Variants in LRRC4C observed in about 807,000 individuals in gnomAD.
The protein encoded by LRRC4C is leucine-rich repeat-containing protein 4C.
LRRC4C carries 5 observed loss-of-function variants against 33.6 expected under a neutral mutation model. The observed-to-expected ratio is 0.15, with a 90% CI of 0.08 to 0.31. The LOEUF is 0.31. Among genes scored for constraint, LRRC4C ranks in the 10% least tolerant of loss-of-function variants. LRRC4C has a pLI of 1.00. For synonymous variants in LRRC4C, 329 were observed against 302.0 expected (o/e 1.09, Z -0.93); for missense variants, 560 against 796.7 (o/e 0.70, Z 3.58).
intron 4 of LRRC4C, among the ~76,000 whole-genome samples, chr11:40,265,870 T>G (rs1295203926): frequency 2.6e-5 from 4 of 152,216 alleles, no homozygotes; most frequent in African/African-American, 9.6e-5. Flanking sequence ...ATAATTTGTT[T>G]GTTTGCAAGA....
At chr11:41,290,875 A>C (rs527875551) in intron 1 of LRRC4C, among the ~76,000 whole-genome samples, 1 of 152,230 alleles carries the variant, frequency 6.6e-6, no homozygotes, top group African/African-American at 2.4e-5. Context: ...TGATGGAGAG[A>C]CCCTGACACT....
At chr11:40,978,335 A>G (rs1228939110) in intron 1 of LRRC4C, among the ~76,000 whole-genome samples, 1 of 152,212 alleles carries the variant, frequency 6.6e-6, no homozygotes, top group Non-Finnish European at 1.5e-5. Context: ...AAAGCCAACT[A>G]GCACCTAACT....
At chr11:40,246,185 G>GAA (rs1565181373) in intron 4 of LRRC4C, among the ~76,000 whole-genome samples, 1 of 151,860 alleles carries the variant, frequency 6.6e-6, no homozygotes, top group African/African-American at 2.4e-5. Flanking sequence ...TGTTGGCCAG[G>GAA]CTGGTCTTGA....
At chr11:40,816,408 T>C (rs1951706885) in intron 2 of LRRC4C, among the ~76,000 whole-genome samples, 1 of 152,204 alleles carries the variant, frequency 6.6e-6, no homozygotes, top group African/African-American at 2.4e-5. Context: ...TGTCACAGAT[T>C]CACAACAGAT....
chr11:40,479,238 G>A (rs1032209551), intron 3 of LRRC4C, among the ~76,000 whole-genome samples: 3 of 152,034 alleles, frequency 2.0e-5, no homozygotes, highest in Admixed American at 6.6e-5. Flanking sequence ...ATATTATTTG[G>A]CCTAATTCCT....
intron 1 of LRRC4C, among the ~76,000 whole-genome samples, chr11:40,983,633 A>C (rs1402641627): frequency 6.6e-6 from 1 of 152,218 alleles, no homozygotes; most frequent in Non-Finnish European, 1.5e-5. Context: ...TCTATAAGGA[A>C]CTTAGACAAA....
intron 2 of LRRC4C, among the ~76,000 whole-genome samples, chr11:40,784,914 A>G (rs1056980942): frequency 2.0e-4 from 30 of 152,180 alleles, no homozygotes; most frequent in African/African-American, 7.2e-4. Context: ...GAAAAAAAGT[A>G]TTAATAGAAA....
chr11:41,053,530 G>C (rs1858405437), intron 1 of LRRC4C, among the ~76,000 whole-genome samples: 1 of 152,166 alleles, frequency 6.6e-6, no homozygotes, highest in Non-Finnish European at 1.5e-5. Context: ...GCTAAACCCT[G>C]TCTGGAATCC....
rs772990005 is a variant in LRRC4C, at chr11:40,114,782, G to T, written c.1511C>A (p.Thr504Asn). The T allele has an allele frequency of 1.2e-6, 2 of 1,614,118 alleles. No homozygotes were observed. Among genetic ancestry groups the T allele is most frequent in the Middle Eastern group, 1.6e-4 (1 of 6,062 alleles). ...TPQSTRSTEK[T>N]FTIPVTDINS... Reference sequence around the variant, plus strand: ...TATATCAGTCACTGGGATGGTGAAGGTTTTCTCTGTCGACCTTGTGCTCTG... The same window carrying T: ...TATATCAGTCACTGGGATGGTGAAGTTTTTCTCTGTCGACCTTGTGCTCTG... The change falls in exon 7 of 7, where the codon ACC (threonine) becomes AAC (asparagine). Residue 504 changes from threonine to asparagine, a missense_variant. Thr to Asn is a moderately conservative substitution (Grantham distance 65, BLOSUM62 0). Around this residue, in one of 3 missense-constraint regions of LRRC4C, gnomAD observed 455 missense variants for 643.8 expected, o/e 0.71. Transcript: ENST00000528697.
rs192464914 is a variant in LRRC4C, at chr11:40,441,156, C to T, written c.-269-121435G>A. 4.6e-3 allele frequency among the ~76,000 whole-genome samples: 705 copies of T among 152,218 alleles called. 8 individuals carry two copies. Among genetic ancestry groups the T allele is most frequent in the Non-Finnish European group, 8.0e-3 (545 of 68,016 alleles). On this transcript the variant is annotated intron_variant, in intron 3 of 6. Transcript: ENST00000528697. ...GGGAATCAGTCCCTCATCCAGTTCT[C>T]ATCAATCTAAGGATTTCATTCTTAT... is the stretch of plus-strand genomic sequence containing the variant.
chr11:40,944,602 C>T (rs1592151200), intron 1 of LRRC4C, among the ~76,000 whole-genome samples: 2 of 152,272 alleles, frequency 1.3e-5, no homozygotes. Flanking sequence ...GGTTCTTGAA[C>T]TGGATGCCCT....
intron 4 of LRRC4C, among the ~76,000 whole-genome samples, chr11:40,281,157 A>G (rs1943448914): frequency 6.6e-6 from 1 of 152,170 alleles, no homozygotes; most frequent in South Asian, 2.1e-4. Flanking sequence ...GGCAACGTTC[A>G]AAACAATACA....
intron 3 of LRRC4C, among the ~76,000 whole-genome samples, chr11:40,470,356 T>TGA (rs1952868167): frequency 6.6e-6 from 1 of 151,798 alleles, no homozygotes; most frequent in African/African-American, 2.4e-5. Flanking sequence ...AAAAAGGACA[T>TGA]CCACACAAAA....
At chr11:41,118,087 T>A (rs1000532536) in intron 1 of LRRC4C, among the ~76,000 whole-genome samples, 1 of 152,136 alleles carries the variant, frequency 6.6e-6, no homozygotes, top group African/African-American at 2.4e-5. Flanking sequence ...ACATTACAAA[T>A]GCATTGCCCC....
chr11:41,137,026 T>C (rs1448257962), intron 1 of LRRC4C, among the ~76,000 whole-genome samples: 1 of 152,096 alleles, frequency 6.6e-6, no homozygotes, highest in Non-Finnish European at 1.5e-5. Flanking sequence ...GGCAGGTGAA[T>C]TGCTTGAAGC....
chr11:40,986,830 T>C (rs1436986385), intron 1 of LRRC4C, among the ~76,000 whole-genome samples: 1 of 152,194 alleles, frequency 6.6e-6, no homozygotes, highest in Non-Finnish European at 1.5e-5. Flanking sequence ...TATGTGGAAA[T>C]ATTTAATATT....
intron 1 of LRRC4C, among the ~76,000 whole-genome samples, chr11:40,949,925 T>C (rs1437477553): frequency 6.6e-6 from 1 of 152,162 alleles, no homozygotes; most frequent in East Asian, 1.9e-4. Flanking sequence ...GACTGGCAAA[T>C]TGGATAAAGA....
chr11:40,371,335 T>C (rs1948439798), intron 3 of LRRC4C, among the ~76,000 whole-genome samples: 1 of 152,196 alleles, frequency 6.6e-6, no homozygotes, highest in Non-Finnish European at 1.5e-5. Context: ...CCTCTGCAAA[T>C]GTAGAAGGTT....
chr11:41,026,192 G>GATTTACT (rs1341633164), intron 1 of LRRC4C, among the ~76,000 whole-genome samples: 1 of 151,578 alleles, frequency 6.6e-6, no homozygotes, highest in Non-Finnish European at 1.5e-5. Flanking sequence ...TTCTGAAAAG[G>GATTTACT]ATTTACTATT....
Sources: gnomAD v4.1 joint callset for allele counts (sites outside exome capture counted in the v4.1 genomes callset) on GRCh38, gnomAD v4.1.1 for gene constraint, gnomAD v4.1.1 regional missense constraint, MANE v1.5 for transcripts, NCBI Gene and HGNC (gene_info 2026-07-23, HGNC 2026-07-21) for gene names.